Variants in KIF26B observed in about 807,000 individuals in gnomAD.
The protein encoded by KIF26B is kinesin-like protein KIF26B.
Under a neutral mutation model 151.2 loss-of-function variants are expected in KIF26B, and 63 were observed. The observed-to-expected ratio is 0.42, with a 90% confidence interval of 0.34 to 0.51. The LOEUF (loss-of-function observed/expected upper bound fraction) is 0.51, where lower values mean the gene tolerates loss of function less well. KIF26B is among the 20% of genes least tolerant of loss of function. The pLI is 0.07. For missense variants in KIF26B, 2,813 were observed against 2,913.6 expected (o/e 0.97, Z 0.79); for synonymous variants, 1,357 against 1,262.1 (o/e 1.08, Z -1.59).
intron 2 of KIF26B, among the ~76,000 whole-genome samples, chr1:245,199,049 C>T (rs2103537062): frequency 8.2e-6 from 1 of 121,232 alleles, no homozygotes; most frequent in Admixed American, 8.7e-5. Flanking sequence ...AAGTTCACTT[C>T]ATTCATTTTA....
At chr1:245,649,573 G>A (rs2043992092) in intron 10 of KIF26B, among the ~76,000 whole-genome samples, 1 of 152,184 alleles carries the variant, frequency 6.6e-6, no homozygotes, top group Non-Finnish European at 1.5e-5. Context: ...TTAGAGAAGT[G>A]GAAGTTTCCT....
Position 245,318,129 on chromosome 1 carries a change from T to C in KIF26B, c.466-48705T>C, listed in dbSNP as rs1290209948. Among the ~76,000 whole-genome samples, 1 of 152,192 alleles carries C rather than the reference T, an allele frequency of 6.6e-6. No homozygotes were observed. The highest frequency in any genetic ancestry group is 1.5e-5 in the Non-Finnish European group (1 of 68,040). ...TTCAGATTGCCTCTGTTGCAAGGAC[T>C]GAGAACTCTGAGGAGATCTAGGAGA... is the stretch of plus-strand genomic sequence containing the variant. On this transcript the variant is annotated intron_variant, in intron 2 of 14. Coordinates refer to ENST00000407071, the MANE Select transcript of KIF26B (RefSeq NM_018012.4). The surrounding 1 kb of genome is among the most constrained non-coding windows in gnomAD (Gnocchi z 4.0).
intron 4 of KIF26B, among the ~76,000 whole-genome samples, chr1:245,524,159 G>T (rs899248170): frequency 2.0e-5 from 3 of 152,152 alleles, no homozygotes; most frequent in African/African-American, 7.2e-5. Flanking sequence ...TTTTATGGAC[G>T]CTAAGGCAAA....
intron 3 of KIF26B, among the ~76,000 whole-genome samples, chr1:245,413,598 G>C (rs1274530766): frequency 6.6e-6 from 1 of 152,220 alleles, no homozygotes; most frequent in African/African-American, 2.4e-5. Flanking sequence ...GGAAGGCGGA[G>C]GTTGCAGTGA....
intron 5 of KIF26B, among the ~76,000 whole-genome samples, chr1:245,576,984 TTATA>T (rs1476467953): frequency 2.6e-5 from 4 of 152,344 alleles, no homozygotes; most frequent in East Asian, 1.9e-4. Flanking sequence ...GTCATTTCAC[TTATA>T]TACTTTGGGA....
At chr1:245,228,598 A>G (rs773348187) in intron 2 of KIF26B, among the ~76,000 whole-genome samples, 1 of 152,090 alleles carries the variant, frequency 6.6e-6, no homozygotes, top group Non-Finnish European at 1.5e-5. Context: ...CAGTTTCCGC[A>G]GTTGTAAGTA....
chr1:245,550,067 C>CA (rs1215549489), intron 5 of KIF26B, among the ~76,000 whole-genome samples: 7 of 152,278 alleles, frequency 4.6e-5, no homozygotes, highest in African/African-American at 1.7e-4. Flanking sequence ...GAAAAACAAC[C>CA]AAAAATAGAA....
intron 6 of KIF26B, among the ~76,000 whole-genome samples, chr1:245,607,413 A>G (rs2043467771): frequency 6.6e-6 from 1 of 152,178 alleles, no homozygotes; most frequent in African/African-American, 2.4e-5. Context: ...GCTGAAACGT[A>G]CCACGGATTA....
intron 2 of KIF26B, among the ~76,000 whole-genome samples, chr1:245,210,783 C>T (rs2103543480): frequency 6.6e-6 from 1 of 152,172 alleles, no homozygotes; most frequent in South Asian, 2.1e-4. Flanking sequence ...AAGGACATTC[C>T]CAAGCCCGTC....
intron 4 of KIF26B, among the ~76,000 whole-genome samples, chr1:245,428,550 G>A (rs530369952): frequency 6.5e-4 from 99 of 152,148 alleles, no homozygotes; most frequent in African/African-American, 1.9e-3. Flanking sequence ...CATCCAATAT[G>A]CAACCCCAGC....
chr1:245,433,204 G>A (rs375180840), intron 4 of KIF26B, among the ~76,000 whole-genome samples: 4 of 151,956 alleles, frequency 2.6e-5, no homozygotes, highest in African/African-American at 7.2e-5. Flanking sequence ...GGCGGCTCCC[G>A]CCTGTAATCC....
chr1:245,569,606 CAAAG>C (rs2043044709), intron 5 of KIF26B, among the ~76,000 whole-genome samples: 1 of 151,782 alleles, frequency 6.6e-6, no homozygotes, highest in Non-Finnish European at 1.5e-5. Flanking sequence ...GACTCCATCT[CAAAG>C]AAACAAATAA....
intron 2 of KIF26B, among the ~76,000 whole-genome samples, chr1:245,220,084 A>G (rs534913566): frequency 1.3e-5 from 2 of 152,302 alleles, no homozygotes; most frequent in East Asian, 1.9e-4. Flanking sequence ...GGGTGTTTCC[A>G]GGAGAGCTTC....
chr1:245,646,315 G>A, intron 10 of KIF26B, 35 bp downstream of exon 10: 2 of 1,607,172 alleles, frequency 1.2e-6, no homozygotes, highest in Non-Finnish European at 8.5e-7. Flanking sequence ...ATGTGGTGGG[G>A]TAAGCATGGT....
Position 245,698,476 on chromosome 1 carries a change from G to GAC in KIF26B, c.6027+170_6027+171dup, listed in dbSNP as rs1222916419. On this transcript the variant is annotated intron_variant, in intron 13 of 14. Transcript: ENST00000407071. This position sits in a 1 kb window ranked among gnomAD's most constrained non-coding sequence, Gnocchi z 4.0. ...CTTCTGTCCCAGCAAAGGGCCTTTG[G>GAC]ACAGAGGCCTTGGAGAGAGCCCCAT... Among the ~76,000 whole-genome samples the GAC allele has an allele frequency of 6.6e-6, 1 of 152,174 alleles. No individual in the cohort carries two copies. The highest frequency in any genetic ancestry group is 1.5e-5 in the Non-Finnish European group (1 of 68,044).
At chr1:245,260,005 C>T (rs1351248567) in intron 2 of KIF26B, among the ~76,000 whole-genome samples, 1 of 150,352 alleles carries the variant, frequency 6.7e-6, no homozygotes, top group Non-Finnish European at 1.5e-5. Context: ...ACAACTGAGG[C>T]ATAGCATAGT....
rs1171726638 is a variant in KIF26B at position 245,540,416 on chromosome 1, G to C, written c.1167-351G>C. Among the ~76,000 whole-genome samples the C allele has an allele frequency of 2.0e-5, 3 of 152,224 alleles. No homozygotes were observed. Among genetic ancestry groups the C allele is most frequent in the African/African-American group, 4.8e-5 (2 of 41,464 alleles). On this transcript the variant is annotated intron_variant, in intron 4 of 14. Transcript: ENST00000407071. This position sits in a 1 kb window ranked among gnomAD's most constrained non-coding sequence, Gnocchi z 4.6. ...GTCTCTCGCACCTGAGTTTATGCCAGAGAAGTTGTGGAGTGATGAACTTAA... is the reference window on the plus strand; with the variant it reads ...GTCTCTCGCACCTGAGTTTATGCCACAGAAGTTGTGGAGTGATGAACTTAA...
chr1:245,158,504 C>G (rs1204121229), intron 2 of KIF26B, among the ~76,000 whole-genome samples: 1 of 152,062 alleles, frequency 6.6e-6, no homozygotes, highest in Non-Finnish European at 1.5e-5. Flanking sequence ...ATTGTATTGT[C>G]AGAGTGAGGT....
Position 245,488,697 on chromosome 1 carries a change from G to C in KIF26B, c.1167-52070G>C, listed in dbSNP as rs937463077. 6.6e-6 allele frequency among the ~76,000 whole-genome samples: 1 copy of C among 152,152 alleles called. No homozygotes were observed. The highest frequency in any genetic ancestry group is 2.1e-4 in the South Asian group (1 of 4,820). ...GGGTCCGGGTTGTAATGGAGACTTA[G>C]AGTTGAGTGAAGCATTTTAGCTTTA... On this transcript the variant is annotated intron_variant, in intron 4 of 14. Coordinates refer to ENST00000407071, the MANE Select transcript of KIF26B (RefSeq NM_018012.4). The surrounding 1 kb of genome is among the most constrained non-coding windows in gnomAD (Gnocchi z 4.6).
Sources: allele counts gnomAD v4.1 joint callset (sites outside exome capture counted in the v4.1 genomes callset), GRCh38; gene constraint gnomAD v4.1.1; non-coding constraint Gnocchi (gnomAD v3.1); transcripts MANE v1.5; gene names NCBI Gene and HGNC (gene_info 2026-07-23, HGNC 2026-07-21).